SLC36A1: variants seen among roughly 807,000 people sequenced by gnomAD.
SLC36A1 encodes proton-coupled amino acid transporter 1.
In SLC36A1, 30 loss-of-function variants were observed where a neutral mutation model predicts 47.5. That is an observed-to-expected ratio of 0.63 (90% CI 0.47 to 0.86). The LOEUF is 0.86. Ranked by LOEUF, SLC36A1 falls within the 40% of genes least tolerant of loss-of-function variation. The pLI is 0.00. For synonymous variants in SLC36A1, 255 were observed against 249.7 expected, an observed-to-expected ratio of 1.02 and a Z score of -0.20; for missense variants, 517 against 606.0, an observed-to-expected ratio of 0.85 and a Z score of 1.54.
At chr5:151,444,090 TC>T (rs777812857), upstream of SLC36A1, among the ~76,000 whole-genome samples, 2 of 152,226 alleles carry the variant, frequency 1.3e-5, no homozygotes, top group Non-Finnish European at 2.9e-5. Context: ...TAATTTTGAA[TC>T]GGGAAGTGTG....
At chr5:151,524,353 CAT>C in the SLC36A1 span, among the ~76,000 whole-genome samples, 2 of 152,052 alleles carry the variant, frequency 1.3e-5, no homozygotes, top group Admixed American at 1.3e-4. Context: ...CCTCAAAATT[CAT>C]ATGTTAAAAT....
At chr5:151,492,829 T>C (rs1191957580), downstream of SLC36A1, among the ~76,000 whole-genome samples, 1 of 152,224 alleles carries the variant, frequency 6.6e-6, no homozygotes, top group Admixed American at 6.5e-5. Context: ...CCAATCAGTA[T>C]AAAGGCCTTT....
the SLC36A1 span, among the ~76,000 whole-genome samples, chr5:151,513,519 CACTT>C: frequency 2.6e-5 from 4 of 152,148 alleles, no homozygotes; most frequent in Non-Finnish European, 4.4e-5. Flanking sequence ...CACATGTTCT[CACTT>C]ACAAGTGGGA....
At chr5:151,429,355 C>T in the SLC36A1 span, among the ~76,000 whole-genome samples, 1 of 106,158 alleles carries the variant, frequency 9.4e-6, no homozygotes, top group East Asian at 3.6e-4. Context: ...CCCCTCCCCC[C>T]ACCCCACAAC....
the SLC36A1 span, among the ~76,000 whole-genome samples, chr5:151,405,213 TA>T: frequency 6.6e-6 from 1 of 152,208 alleles, no homozygotes; most frequent in Non-Finnish European, 1.5e-5. Flanking sequence ...ATTCCTGTAG[TA>T]AAATTTTCAA....
chr5:151,499,179 G>A, the SLC36A1 span, among the ~76,000 whole-genome samples: 3 of 152,204 alleles, frequency 2.0e-5, no homozygotes, highest in African/African-American at 7.2e-5. Context: ...GATTCATTGA[G>A]GAATTTTGAG....
the SLC36A1 span, among the ~76,000 whole-genome samples, chr5:151,499,554 C>A: frequency 6.6e-6 from 1 of 152,154 alleles, no homozygotes. Flanking sequence ...ATGTCGTTTT[C>A]CCCCCAAGGC....
At chr5:151,536,454 T>A in the SLC36A1 span, among the ~76,000 whole-genome samples, 1 of 152,128 alleles carries the variant, frequency 6.6e-6, no homozygotes, top group Non-Finnish European at 1.5e-5. Context: ...CCAAGCCAAA[T>A]GTCAGCAGCT....
the SLC36A1 span, chr5:151,549,440 TC>T: frequency 6.2e-7 from 1 of 1,614,158 alleles, no homozygotes; most frequent in Non-Finnish European, 8.5e-7. Flanking sequence ...GGTGGAGGTT[TC>T]CATCCTCCAC....
At chr5:151,509,582 A>G in the SLC36A1 span, 7 of 163,970 alleles carry the variant, frequency 4.3e-5, no homozygotes, top group South Asian at 1.2e-3. Flanking sequence ...TCTAGTTTGC[A>G]TGCTCCTTAT....
At chr5:151,482,624 A>G (rs1254748237) in intron 10 of SLC36A1, among the ~76,000 whole-genome samples, 1 of 152,148 alleles carries the variant, frequency 6.6e-6, no homozygotes, top group Non-Finnish European at 1.5e-5. Context: ...ATTTAGTTTT[A>G]TATCACAAAT....
chr5:151,431,436 TGTTTAGCTCCAC>T, the SLC36A1 span: 1 of 152,186 alleles, frequency 6.6e-6, no homozygotes, highest in African/African-American at 2.4e-5. Flanking sequence ...GATACCTCAC[TGTTTAGCTCCAC>T]GTATTGGGCA....
the SLC36A1 span, among the ~76,000 whole-genome samples, chr5:151,500,216 C>T: frequency 1.3e-5 from 2 of 152,174 alleles, no homozygotes; most frequent in Non-Finnish European, 2.9e-5. Context: ...CGAGTCAGGC[C>T]GACCTGGACT....
the SLC36A1 span, chr5:151,377,881 C>A: frequency 6.4e-6 from 1 of 155,358 alleles, no homozygotes; most frequent in African/African-American, 2.4e-5. Context: ...CTTTTTCCAT[C>A]TTTTAATCTT....
intron 1 of SLC36A1, among the ~76,000 whole-genome samples, chr5:151,453,463 A>T (rs907573664): frequency 2.6e-5 from 4 of 152,040 alleles, no homozygotes; most frequent in Non-Finnish European, 4.4e-5. Flanking sequence ...CAAGTGTAAG[A>T]TAGCTATTTA....
At chr5:151,398,175 C>T in the SLC36A1 span, among the ~76,000 whole-genome samples, 1 of 152,140 alleles carries the variant, frequency 6.6e-6, no homozygotes, top group African/African-American at 2.4e-5. Flanking sequence ...ACCATTGCCC[C>T]TTGAGTTAAC....
At chr5:151,408,999 C>T in the SLC36A1 span, among the ~76,000 whole-genome samples, 4,554 of 140,626 alleles carry the variant, frequency 0.032, 219 homozygotes, top group African/African-American at 0.11. Flanking sequence ...TTTCTTTCCT[C>T]TTTTTTTTTT....
the SLC36A1 span, among the ~76,000 whole-genome samples, chr5:151,349,443 G>A: frequency 3.3e-5 from 5 of 152,130 alleles, no homozygotes; most frequent in African/African-American, 1.2e-4. Flanking sequence ...CCAGGCATCC[G>A]AAGCCCTGGG....
chr5:151,549,752 G>A, the SLC36A1 span, among the ~76,000 whole-genome samples: 2 of 152,268 alleles, frequency 1.3e-5, no homozygotes, highest in African/African-American at 4.8e-5. Context: ...GACAGAAATA[G>A]GCAGAGAAGC....
Sources: allele counts gnomAD v4.1 joint callset (sites outside exome capture counted in the v4.1 genomes callset), GRCh38; gene constraint gnomAD v4.1.1; transcripts MANE v1.5; gene names NCBI Gene and HGNC (gene_info 2026-07-23, HGNC 2026-07-21).